Variants in CERS6 observed in about 807,000 individuals in gnomAD.
CERS6 encodes ceramide synthase 6, also known as LAG1 homolog, ceramide synthase 6.
A neutral mutation model predicts 56.8 loss-of-function variants in CERS6; 26 were observed. The observed-to-expected ratio is 0.46, with a 90% CI of 0.34 to 0.63. The LOEUF (loss-of-function observed/expected upper bound fraction) is 0.63. Ranked by LOEUF, CERS6 falls within the 30% of genes least tolerant of loss-of-function variation. The probability of loss-of-function intolerance (pLI) is 0.01; values close to 1 mark genes in which losing one functional copy is unlikely to be tolerated. For synonymous variants in CERS6, 164 were observed against 173.3 expected, an observed-to-expected ratio of 0.95 and a Z score of 0.42; for missense variants, 415 against 467.5, an observed-to-expected ratio of 0.89 and a Z score of 1.04.
At chr2:168,600,076 T>A (rs1273897147) in intron 3 of CERS6, among the ~76,000 whole-genome samples, 1 of 152,148 alleles carries the variant, frequency 6.6e-6, no homozygotes, top group Non-Finnish European at 1.5e-5. Context: ...TAATATATCC[T>A]GGTTTCCCTC....
intron 4 of CERS6, among the ~76,000 whole-genome samples, chr2:168,667,143 C>T (rs1685782401): frequency 6.6e-6 from 1 of 152,248 alleles, no homozygotes; most frequent in African/African-American, 2.4e-5. Context: ...TTAAGCAAAG[C>T]AATATATTTC....
chr2:168,595,067 T>C (rs1032317690), intron 3 of CERS6, among the ~76,000 whole-genome samples: 3 of 152,214 alleles, frequency 2.0e-5, no homozygotes, highest in South Asian at 4.1e-4. Context: ...CAGGAAGGCA[T>C]CATGAAGGAA....
intron 8 of CERS6, among the ~76,000 whole-genome samples, chr2:168,752,278 A>ATTGTGTGTGT (rs1218283470): frequency 3.2e-5 from 2 of 61,646 alleles, no homozygotes; most frequent in East Asian, 8.9e-4. Flanking sequence ...TAAAAAAATA[A>ATTGTGTGTGT]ATGTGTGTGT....
At chr2:168,538,117 C>G (rs113111639) in intron 1 of CERS6, among the ~76,000 whole-genome samples, 26 of 152,066 alleles carry the variant, frequency 1.7e-4, no homozygotes, top group Non-Finnish European at 3.2e-4. Context: ...CTGTGTCCAT[C>G]CTTGTTTTCC....
At chr2:168,490,206 A>G (rs918827076) in intron 1 of CERS6, among the ~76,000 whole-genome samples, 8 of 152,282 alleles carry the variant, frequency 5.3e-5, no homozygotes, top group Admixed American at 3.9e-4. Flanking sequence ...CTTAGGGTGA[A>G]GCCAGGAATT....
intron 4 of CERS6, among the ~76,000 whole-genome samples, chr2:168,687,556 C>CTGCTGGTG (rs1686383981): frequency 6.6e-6 from 1 of 152,308 alleles, no homozygotes. Flanking sequence ...CTGCTGGCCT[C>CTGCTGGTG]TGCTGGTGAC....
chr2:168,516,697 C>T (rs1218124890), intron 1 of CERS6, among the ~76,000 whole-genome samples: 1 of 152,170 alleles, frequency 6.6e-6, no homozygotes, highest in Non-Finnish European at 1.5e-5. Flanking sequence ...ATAAAGTAAG[C>T]TAAGAGTTGT....
At chr2:168,574,336 G>A (rs922671984) in intron 3 of CERS6, among the ~76,000 whole-genome samples, 2 of 151,758 alleles carry the variant, frequency 1.3e-5, no homozygotes, top group African/African-American at 4.9e-5. Context: ...TGTTCTTTCT[G>A]TTTCTTTCCA....
chr2:168,626,363 T>C (rs1209034938), intron 3 of CERS6, among the ~76,000 whole-genome samples: 1 of 152,188 alleles, frequency 6.6e-6, no homozygotes, highest in African/African-American at 2.4e-5. Flanking sequence ...ATTCCCCTGC[T>C]TCTGCTGCCT....
At chr2:168,586,100 CAGCCTCCCAGTTA>C (rs1683535097) in intron 3 of CERS6, among the ~76,000 whole-genome samples, 1 of 151,968 alleles carries the variant, frequency 6.6e-6, no homozygotes. Flanking sequence ...CCTCCCATCT[CAGCCTCCCAGTTA>C]GCTGGGACTA....
intron 8 of CERS6, among the ~76,000 whole-genome samples, chr2:168,739,340 C>A (rs1001267056): frequency 2.0e-5 from 3 of 151,984 alleles, no homozygotes; most frequent in African/African-American, 7.3e-5. Flanking sequence ...TAAGCTGACA[C>A]CATGAGCAAA....
intron 4 of CERS6, among the ~76,000 whole-genome samples, chr2:168,650,629 C>A (rs966354494): frequency 6.6e-6 from 1 of 151,912 alleles, no homozygotes; most frequent in Non-Finnish European, 1.5e-5. Flanking sequence ...ACTCCAAAGG[C>A]AGTATCTGAT....
intron 6 of CERS6, among the ~76,000 whole-genome samples, chr2:168,705,372 A>AAAAAAC (rs1231149381): frequency 6.6e-6 from 1 of 152,160 alleles, no homozygotes; most frequent in Admixed American, 6.6e-5. Context: ...CCAGAAGAAA[A>AAAAAAC]AAAAACAAAA....
chr2:168,718,147 T>A (rs1363172252), intron 8 of CERS6, among the ~76,000 whole-genome samples, 169 bp downstream of exon 8: 1 of 152,190 alleles, frequency 6.6e-6, no homozygotes, highest in Non-Finnish European at 1.5e-5. Flanking sequence ...AGGGTTGCAC[T>A]CTTTACTAAT....
chr2:168,757,982 C>T (rs1684464100), intron 8 of CERS6, among the ~76,000 whole-genome samples: 1 of 152,106 alleles, frequency 6.6e-6, no homozygotes, highest in Non-Finnish European at 1.5e-5. Context: ...CTTTTATTAC[C>T]TTAGGAAAAC....
intron 1 of CERS6, among the ~76,000 whole-genome samples, chr2:168,478,064 A>T (rs897049792): frequency 6.7e-6 from 1 of 149,590 alleles, no homozygotes; most frequent in African/African-American, 2.5e-5. Flanking sequence ...GAAGGTTTCA[A>T]GTTTTATGTA....
intron 3 of CERS6, among the ~76,000 whole-genome samples, chr2:168,614,252 G>A (rs921638): frequency 0.98 from 149,563 of 152,370 alleles, 73,452 homozygotes; most frequent in East Asian, 1. Context: ...GCATACAAAC[G>A]TATGTGTATA....
chr2:168,642,190 G>C (rs1240089140), intron 4 of CERS6, among the ~76,000 whole-genome samples: 1 of 151,956 alleles, frequency 6.6e-6, no homozygotes, highest in Non-Finnish European at 1.5e-5. Context: ...TAGGCAATGT[G>C]ACAAAACGCC....
intron 4 of CERS6, among the ~76,000 whole-genome samples, chr2:168,673,917 G>A (rs1000699541): frequency 6.6e-6 from 1 of 152,080 alleles, no homozygotes; most frequent in East Asian, 1.9e-4. Flanking sequence ...ATTCACTTAT[G>A]TAAAATATGT....
Sources: gnomAD v4.1 joint callset for allele counts (sites outside exome capture counted in the v4.1 genomes callset) on GRCh38, gnomAD v4.1.1 for gene constraint, MANE v1.5 for transcripts, NCBI Gene and HGNC (gene_info 2026-07-23, HGNC 2026-07-21) for gene names.